The following NRG3 variants were observed in gnomAD, a reference collection of about 807,000 sequenced individuals.
NRG3 encodes neuregulin 3.
In NRG3, 31 loss-of-function variants were observed where a neutral mutation model predicts 66.9. The ratio of observed to expected loss-of-function variants is 0.46; its 90% CI spans 0.35 to 0.63. The LOEUF (loss-of-function observed/expected upper bound fraction) is 0.63. Among genes scored for constraint, NRG3 ranks in the 20% least tolerant of loss-of-function variants. The pLI, the probability that NRG3 is intolerant of heterozygous loss-of-function variation, is 0.00. For missense variants in NRG3, 910 were observed against 878.9 expected (o/e 1.04, Z -0.45); for synonymous variants, 393 against 359.4 (o/e 1.09, Z -1.06).
Position 82,367,321 on chromosome 10 carries a change from A to G in NRG3, c.953+8453A>G, listed in dbSNP as rs373383801. Among the ~76,000 whole-genome samples the G allele has an allele frequency of 2.4e-4, 37 of 152,276 alleles. 1 individual carries two copies. In the East Asian group the frequency reaches 4.1e-3, roughly 17 times the overall value. ...TTGTAGCTATGCAAAACCTAAAATTACCTAATTGATTTTGGTCTGTCCCTT... is the reference window on the plus strand; with the variant it reads ...TTGTAGCTATGCAAAACCTAAAATTGCCTAATTGATTTTGGTCTGTCCCTT... On this transcript the variant is annotated intron_variant, in intron 2 of 8. Transcript: ENST00000372141.
chr10:81,898,463 C>T (rs140228265), intron 1 of NRG3, among the ~76,000 whole-genome samples: 68 of 152,318 alleles, frequency 4.5e-4, no homozygotes, highest in Non-Finnish European at 7.2e-4. Context: ...CCTCTCATCT[C>T]CAGGGTTGGC....
rs546402254 is a variant in NRG3 at position 81,916,646 on chromosome 10, C to T, written c.823+40483C>T. On this transcript the variant is annotated intron_variant, in intron 1 of 8. Coordinates refer to ENST00000372141, the MANE Select transcript of NRG3 (RefSeq NM_001010848.4). ...GAGATGTAGTGTACTATTTAGGTGT[C>T]AGAGACTGAAAAAATACATAGTGAA... is the stretch of plus-strand genomic sequence containing the variant. 2.2e-4 allele frequency among the ~76,000 whole-genome samples: 33 copies of T among 152,178 alleles called. No individual in the cohort carries two copies. The South Asian group carries it at 6.6e-3, about 31-fold the overall frequency.
intron 1 of NRG3, among the ~76,000 whole-genome samples, chr10:82,193,990 T>C (rs2074312254): frequency 6.6e-6 from 1 of 152,118 alleles, no homozygotes; most frequent in Admixed American, 6.5e-5. Flanking sequence ...CGAGGAAGAA[T>C]TGGCAAAGAA....
intron 1 of NRG3, among the ~76,000 whole-genome samples, chr10:81,995,093 C>T (rs574464203): frequency 6.6e-6 from 1 of 152,176 alleles, no homozygotes; most frequent in African/African-American, 2.4e-5. Context: ...AAGATGAATT[C>T]CTGCAGTTTT....
At chr10:82,676,637 C>T (rs1022261346) in intron 2 of NRG3, among the ~76,000 whole-genome samples, 1 of 152,066 alleles carries the variant, frequency 6.6e-6, no homozygotes, top group African/African-American at 2.4e-5. Context: ...GTGTGTCCCA[C>T]CACTCCTGGC....
chr10:82,478,108 A>G (rs1278033299), intron 2 of NRG3, among the ~76,000 whole-genome samples: 1 of 152,152 alleles, frequency 6.6e-6, no homozygotes, highest in Admixed American at 6.5e-5. Flanking sequence ...CTTTACTACC[A>G]TGGATACTAA....
At chr10:82,430,217 T>A (rs1039232583) in intron 2 of NRG3, among the ~76,000 whole-genome samples, 2 of 152,128 alleles carry the variant, frequency 1.3e-5, no homozygotes, top group East Asian at 3.9e-4. Context: ...TCCACATATG[T>A]TTAGGCCATA....
intron 2 of NRG3, among the ~76,000 whole-genome samples, chr10:82,702,919 A>G (rs1187920413): frequency 6.6e-6 from 1 of 152,074 alleles, no homozygotes; most frequent in African/African-American, 2.4e-5. Context: ...AGTTAAGAAA[A>G]ATGGTATATG....
chr10:81,955,965 T>G (rs561144877), intron 1 of NRG3, among the ~76,000 whole-genome samples: 1 of 152,288 alleles, frequency 6.6e-6, no homozygotes, highest in South Asian at 2.1e-4. Context: ...TCACCTGGTG[T>G]TCCTCATCTT....
intron 2 of NRG3, among the ~76,000 whole-genome samples, chr10:82,525,908 C>G (rs1017278218): frequency 6.6e-6 from 1 of 151,696 alleles, no homozygotes; most frequent in African/African-American, 2.4e-5. Context: ...ATCAAGAATA[C>G]AATAACTGAT....
chr10:82,978,573 T>C (rs1319393381), intron 7 of NRG3, among the ~76,000 whole-genome samples: 4 of 152,192 alleles, frequency 2.6e-5, no homozygotes, highest in Non-Finnish European at 5.9e-5. Flanking sequence ...AAGAAGGCTA[T>C]TTTTATTTCT....
intron 7 of NRG3, among the ~76,000 whole-genome samples, chr10:82,976,491 G>A (rs1055201984): frequency 5.9e-5 from 9 of 152,180 alleles, no homozygotes; most frequent in Admixed American, 5.9e-4. Context: ...AGCACCTATT[G>A]TGTGCCAGGC....
At chr10:82,061,372 A>AG (rs375502393) in intron 1 of NRG3, among the ~76,000 whole-genome samples, 1 of 152,148 alleles carries the variant, frequency 6.6e-6, no homozygotes, top group Non-Finnish European at 1.5e-5. Flanking sequence ...AAAACAAAAC[A>AG]GAAAAACAAT....
At chr10:82,906,346 C>G (rs893654883) in intron 4 of NRG3, among the ~76,000 whole-genome samples, 1 of 152,136 alleles carries the variant, frequency 6.6e-6, no homozygotes, top group African/African-American at 2.4e-5. Flanking sequence ...TGTTAAAATA[C>G]CTTGTGGCAT....
At chr10:82,201,400 A>G (rs773457612) in intron 1 of NRG3, among the ~76,000 whole-genome samples, 5 of 152,066 alleles carry the variant, frequency 3.3e-5, no homozygotes, top group Non-Finnish European at 7.3e-5. Context: ...TTACATAGTG[A>G]GTTATCTGAA....
intron 1 of NRG3, among the ~76,000 whole-genome samples, chr10:82,218,512 C>T (rs774966766): frequency 1.2e-4 from 18 of 152,286 alleles, no homozygotes; most frequent in Middle Eastern, 3.4e-3. Context: ...GCGTCTATAA[C>T]ATATCCCCTT....
intron 2 of NRG3, among the ~76,000 whole-genome samples, chr10:82,667,495 C>T (rs1295674078): frequency 6.6e-6 from 1 of 152,044 alleles, no homozygotes; most frequent in African/African-American, 2.4e-5. Flanking sequence ...GTCTTTAGTG[C>T]GGTGCTCAAA....
chr10:82,432,792 A>G (rs2089906523), intron 2 of NRG3, among the ~76,000 whole-genome samples: 2 of 152,176 alleles, frequency 1.3e-5, no homozygotes, highest in Non-Finnish European at 1.5e-5. Context: ...CAAAGACATA[A>G]TCTCATTCCT....
intron 2 of NRG3, among the ~76,000 whole-genome samples, chr10:82,532,546 T>C (rs1188047756): frequency 2.7e-5 from 4 of 147,828 alleles, no homozygotes; most frequent in East Asian, 1.9e-4. Context: ...GTACTATATA[T>C]GTATATGTAT....
Sources: allele counts gnomAD v4.1 joint callset (sites outside exome capture counted in the v4.1 genomes callset), GRCh38; gene constraint gnomAD v4.1.1; transcripts MANE v1.5; gene names NCBI Gene and HGNC (gene_info 2026-07-23, HGNC 2026-07-21).